The following GABRR3 variants were observed in gnomAD, a reference collection of about 807,000 sequenced individuals.
The protein encoded by GABRR3 is gamma-aminobutyric acid receptor subunit rho-3.
GABRR3 carries 29 observed loss-of-function variants against 43.2 expected under a neutral mutation model. The ratio of observed to expected loss-of-function variants is 0.67; its 90% CI spans 0.50 to 0.92. The LOEUF is 0.92. Ranked by LOEUF, GABRR3 falls within the 40% of genes least tolerant of loss-of-function variation. GABRR3 has a pLI of 0.00. For synonymous variants in GABRR3, 206 were observed against 195.9 expected (o/e 1.05, Z -0.43); for missense variants, 576 against 572.3 (o/e 1.01, Z -0.07).
intron 8 of GABRR3, among the ~76,000 whole-genome samples, chr3:97,994,982 AT>A (rs201802396): frequency 0.012 from 1,744 of 147,182 alleles, 27 homozygotes; most frequent in African/African-American, 0.039. Context: ...ATTAATTTGA[AT>A]TTTTTTTTTT....
At chr3:98,003,812 A>G (rs1200394357) in intron 7 of GABRR3, among the ~76,000 whole-genome samples, 1 of 152,114 alleles carries the variant, frequency 6.6e-6, no homozygotes, top group Non-Finnish European at 1.5e-5. Context: ...CCAAGCCAGT[A>G]GCCCCTTCCT....
intron 3 of GABRR3, among the ~76,000 whole-genome samples, chr3:98,021,389 T>C (rs995669372): frequency 6.6e-6 from 1 of 152,188 alleles, no homozygotes; most frequent in African/African-American, 2.4e-5. Flanking sequence ...AGCATATGGA[T>C]TCAAATCCAT....
At chr3:98,019,340 C>T (rs535373956) in intron 3 of GABRR3, among the ~76,000 whole-genome samples, 2 of 152,238 alleles carry the variant, frequency 1.3e-5, no homozygotes, top group African/African-American at 4.8e-5. Flanking sequence ...AGTCCTGTAT[C>T]TTTTCTGTGA....
intron 9 of GABRR3, among the ~76,000 whole-genome samples, chr3:97,989,551 GAAA>G (rs1306853096): frequency 2.2e-4 from 34 of 151,934 alleles, no homozygotes; most frequent in African/African-American, 8.0e-4. Flanking sequence ...GGGGGGTGAT[GAAA>G]ACAAGTTTTG....
intron 2 of GABRR3, among the ~76,000 whole-genome samples, chr3:98,032,203 A>G (rs1707095145): frequency 6.6e-6 from 1 of 152,178 alleles, no homozygotes; most frequent in Admixed American, 6.6e-5. Context: ...TAAAGTGTGG[A>G]GAAATCATTG....
downstream of GABRR3, among the ~76,000 whole-genome samples, chr3:97,985,960 A>T (rs1342814525): frequency 6.6e-6 from 1 of 151,940 alleles, no homozygotes; most frequent in African/African-American, 2.4e-5. Flanking sequence ...TCTGCCTCCC[A>T]TGTTAAAGTG....
chr3:98,013,725 T>G (rs1706840411), intron 4 of GABRR3, among the ~76,000 whole-genome samples: 1 of 152,218 alleles, frequency 6.6e-6, no homozygotes, highest in Non-Finnish European at 1.5e-5. Flanking sequence ...ATTAGCCATG[T>G]GTAATTTTGA....
intron 8 of GABRR3, among the ~76,000 whole-genome samples, chr3:97,996,999 A>G (rs1156683940): frequency 2.0e-5 from 3 of 152,210 alleles, no homozygotes; most frequent in African/African-American, 7.2e-5. Flanking sequence ...GCAGGAGGAC[A>G]CTGTGCTACT....
chr3:97,995,689 A>G (rs570894679), intron 8 of GABRR3, among the ~76,000 whole-genome samples: 18 of 152,206 alleles, frequency 1.2e-4, no homozygotes, highest in Non-Finnish European at 2.2e-4. Context: ...GTAAATTCCT[A>G]AAGCAATAGA....
chr3:98,021,782 C>A (rs832036), intron 3 of GABRR3, among the ~76,000 whole-genome samples: 117,727 of 152,128 alleles, frequency 0.77, 45,954 homozygotes, highest in East Asian at 0.99. Context: ...TTGTATATGG[C>A]AAGATATAGC....
intron 4 of GABRR3, among the ~76,000 whole-genome samples, chr3:98,016,710 A>G (rs533754689): frequency 2.4e-3 from 366 of 152,328 alleles, no homozygotes; most frequent in African/African-American, 8.6e-3. Flanking sequence ...AAGAGTGAGT[A>G]AAAAGGAAAT....
chr3:97,993,158 C>A (rs972898788), intron 8 of GABRR3, 110 bp from the exon 9 acceptor site: 2 of 765,932 alleles, frequency 2.6e-6, no homozygotes, highest in Non-Finnish European at 2.0e-6. Context: ...ACCTGGTGAT[C>A]CAAGAGGAGG....
chr3:97,988,425 C>G (rs1323119026), intron 9 of GABRR3, among the ~76,000 whole-genome samples: 7 of 152,086 alleles, frequency 4.6e-5, no homozygotes, highest in African/African-American at 7.2e-5. Context: ...TGGTCAACAC[C>G]AGGGATACAT....
intron 5 of GABRR3, 35 bp downstream of exon 5, chr3:98,012,309 C>T: frequency 6.5e-7 from 1 of 1,526,938 alleles, no homozygotes; most frequent in Non-Finnish European, 9.0e-7. Context: ...GGCTGCAGTA[C>T]AGGGAAGCCA....
At chr3:98,021,140 C>T (rs1319747168) in intron 3 of GABRR3, among the ~76,000 whole-genome samples, 5 of 152,084 alleles carry the variant, frequency 3.3e-5, no homozygotes, top group Admixed American at 2.6e-4. Context: ...GCTGGGATTA[C>T]AGGCGTGAGC....
chr3:98,031,510 C>T (rs1707085819), intron 2 of GABRR3, among the ~76,000 whole-genome samples: 1 of 151,966 alleles, frequency 6.6e-6, no homozygotes, highest in African/African-American at 2.4e-5. Context: ...TTTGGGAGGC[C>T]AAGGCTGGAG....
chr3:98,027,399 C>T (rs2107250598), intron 2 of GABRR3, among the ~76,000 whole-genome samples: 1 of 152,356 alleles, frequency 6.6e-6, no homozygotes, highest in South Asian at 2.1e-4. Context: ...GGAAATGTAA[C>T]TATGAGTGAA....
At chr3:98,018,004 CTTT>C (rs10710938) in intron 3 of GABRR3, among the ~76,000 whole-genome samples, 315 of 137,026 alleles carry the variant, frequency 2.3e-3, no homozygotes, top group African/African-American at 7.7e-3. Context: ...CTCCAGTTTT[CTTT>C]TTTTTTTTTT....
At chr3:97,996,986 T>G in intron 8 of GABRR3, among the ~76,000 whole-genome samples, 1 of 152,160 alleles carries the variant, frequency 6.6e-6, no homozygotes, top group East Asian at 1.9e-4. Flanking sequence ...ATATGAACTA[T>G]GTGCAGGAGG....
Sources: gnomAD v4.1 joint callset for allele counts (sites outside exome capture counted in the v4.1 genomes callset) on GRCh38, gnomAD v4.1.1 for gene constraint, MANE v1.5 for transcripts, NCBI Gene and HGNC (gene_info 2026-07-23, HGNC 2026-07-21) for gene names.